The following NALCN variants were observed in gnomAD, a reference collection of about 807,000 sequenced individuals.
NALCN encodes sodium leak channel, non-selective, also known as sodium leak channel NALCN.
Under a neutral mutation model 225.3 loss-of-function variants are expected in NALCN, and 111 were observed. The observed-to-expected ratio is 0.49, with a 90% CI of 0.42 to 0.58. The LOEUF (loss-of-function observed/expected upper bound fraction) is 0.58, where lower values mean the gene tolerates loss of function less well. Among genes scored for constraint, NALCN ranks in the 20% least tolerant of loss-of-function variants. NALCN has a pLI of 0.00. For missense variants in NALCN, 1,378 were observed against 2,202.4 expected, an observed-to-expected ratio of 0.63 and a Z score of 7.49; for synonymous variants, 764 against 769.0, an observed-to-expected ratio of 0.99 and a Z score of 0.11.
At chr13:101,101,747 G>A (rs941722428) in intron 26 of NALCN, among the ~76,000 whole-genome samples, 4 of 152,148 alleles carry the variant, frequency 2.6e-5, no homozygotes, top group African/African-American at 9.7e-5. Context: ...TCTGCTGGCT[G>A]ACTTCTTTGG....
In NALCN at chr13:101,345,251, A is replaced by T. The variant is rs2139298094; in HGVS notation, c.799+15T>A. On this transcript the variant is annotated intron_variant, in intron 7 of 43. Coordinates refer to ENST00000251127, the MANE Select transcript of NALCN (RefSeq NM_052867.4). ...AAAATAGAAACTTAAAACGTATTTT[A>T]CCAGTAAGACAGACCTATCTCATTA... 1 of 1,605,088 alleles carries T rather than the reference A, an allele frequency of 6.2e-7. No homozygotes were observed. Among genetic ancestry groups the T allele is most frequent in the South Asian group, 1.1e-5 (1 of 90,114 alleles).
chr13:101,083,851 G>T, intron 30 of NALCN, 47 bp from the exon 31 acceptor site: 1 of 1,577,802 alleles, frequency 6.3e-7, no homozygotes, highest in Non-Finnish European at 8.7e-7. Flanking sequence ...TCATGTGCTT[G>T]CACCAAGAAC....
At position 101,366,449 on chromosome 13, in the gene NALCN, C is replaced by T. The variant is rs552355367; in HGVS notation, c.644+10251G>A. 2.6e-5 allele frequency among the ~76,000 whole-genome samples: 4 copies of T among 152,172 alleles called. No individual in the cohort carries two copies. In the East Asian group the frequency reaches 7.7e-4, roughly 29 times the overall value. On this transcript the variant is annotated intron_variant, in intron 6 of 43. Coordinates refer to ENST00000251127, the MANE Select transcript of NALCN (RefSeq NM_052867.4). ...GTCTGAAATCTCTGTCATGATTAGG[C>T]TATAATACATGCAAATCAATTAGGC...
intron 6 of NALCN, among the ~76,000 whole-genome samples, chr13:101,349,361 G>C (rs1219873228): frequency 6.6e-6 from 1 of 152,044 alleles, no homozygotes; most frequent in Admixed American, 6.6e-5. Context: ...AGAAAATACT[G>C]GTCCCCTAAA....
intron 41 of NALCN, among the ~76,000 whole-genome samples, chr13:101,060,994 C>T (rs1485302113): frequency 2.0e-5 from 3 of 152,296 alleles, no homozygotes; most frequent in East Asian, 1.9e-4. Context: ...CTGCAATTGA[C>T]GTTGTTGCTC....
At chr13:101,197,212 GT>G (rs1460401347) in intron 13 of NALCN, among the ~76,000 whole-genome samples, 1 of 152,140 alleles carries the variant, frequency 6.6e-6, no homozygotes, top group East Asian at 1.9e-4. Context: ...GTTTTTCCAA[GT>G]TTATTTCTTC....
rs1416806180 is a variant in NALCN at position 101,395,311 on chromosome 13, T to C, written c.163A>G (p.Met55Val). 7.4e-6 allele frequency: 12 copies of C among 1,614,060 alleles called. No individual in the cohort carries two copies. The highest frequency in any genetic ancestry group is 1.0e-5 in the Non-Finnish European group (12 of 1,179,970). Residue 55 changes from methionine (M) to valine (V), a missense_variant, in exon 3 of 44, where the codon ATG becomes GTG. Transcript: ENST00000251127. ...TGCTCGAAGGTCATTGGCGTATTCA[T>C]ACAAACAGAAATGACGCTGATGATG... ...CAIISVISVC[M>V]NTPMTFEHYP...
At chr13:101,143,716 G>A (rs1381071163) in intron 16 of NALCN, among the ~76,000 whole-genome samples, 2 of 152,092 alleles carry the variant, frequency 1.3e-5, no homozygotes, top group African/African-American at 2.4e-5. Flanking sequence ...TGCCCGGTTC[G>A]GCCTCCCAAA....
chr13:101,120,347 C>T (rs899045879), intron 18 of NALCN, among the ~76,000 whole-genome samples: 1 of 152,046 alleles, frequency 6.6e-6, no homozygotes. Flanking sequence ...GCAACTTCAC[C>T]GTTGATTTCA....
At chr13:101,263,849 G>C (rs950184084) in intron 10 of NALCN, among the ~76,000 whole-genome samples, 10 of 152,142 alleles carry the variant, frequency 6.6e-5, no homozygotes, top group Admixed American at 6.5e-4. Flanking sequence ...AGTAACTCCA[G>C]CTTTAAAGTT....
At chr13:101,351,953 G>T (rs1447336718) in intron 6 of NALCN, among the ~76,000 whole-genome samples, 1 of 152,076 alleles carries the variant, frequency 6.6e-6, no homozygotes, top group Non-Finnish European at 1.5e-5. Context: ...CTTAGTGTTG[G>T]CCTTCTGTAA....
rs572555348 is a variant in NALCN at position 101,228,285 on chromosome 13, GAA to G, written c.1626+1106_1626+1107del. 3.3e-3 allele frequency among the ~76,000 whole-genome samples: 497 copies of G among 152,224 alleles called. 3 individuals are homozygous for G. The highest frequency in any genetic ancestry group is 0.01 in the African/African-American group (419 of 41,516). ...TAAAATAAAGCTAAGCTATCCATTA[GAA>G]GTACAGACCCTTTTGCTGTCAAAGC... On this transcript the variant is annotated intron_variant, in intron 13 of 43. Transcript: ENST00000251127.
intron 6 of NALCN, among the ~76,000 whole-genome samples, chr13:101,369,289 G>C (rs190784028): frequency 6.6e-6 from 1 of 151,980 alleles, no homozygotes; most frequent in East Asian, 1.9e-4. Flanking sequence ...TAAGCATTCT[G>C]TCAACATTTA....
At chr13:101,348,771 A>C (rs1594721232) in intron 6 of NALCN, among the ~76,000 whole-genome samples, 1 of 152,124 alleles carries the variant, frequency 6.6e-6, no homozygotes, top group Non-Finnish European at 1.5e-5. Context: ...ATTTTTACCA[A>C]CATCAAGTTA....
intron 22 of NALCN, among the ~76,000 whole-genome samples, chr13:101,107,181 G>C (rs1213848571): frequency 6.6e-6 from 1 of 152,164 alleles, no homozygotes; most frequent in Non-Finnish European, 1.5e-5. Flanking sequence ...TTTTGTCTCA[G>C]TACTTCCAAA....
At chr13:101,071,516 T>G (rs2032885044) in intron 37 of NALCN, among the ~76,000 whole-genome samples, 1 of 152,210 alleles carries the variant, frequency 6.6e-6, no homozygotes, top group Non-Finnish European at 1.5e-5. Flanking sequence ...AACCAACCTT[T>G]GCTAGCGTCA....
In NALCN at chr13:101,081,530, G is replaced by T; in HGVS notation, c.3882C>A (p.Leu1294=). Residue 1294 remains leucine (L), a synonymous_variant, in exon 34 of 44, where the codon CTC becomes CTA. Transcript: ENST00000251127. Reference sequence around the variant, plus strand: ...TCAACTTGACTTCTATGCTTACCAGGAGGGCAAAGTGAAGCACCACCCATA... The same window carrying T: ...TCAACTTGACTTCTATGCTTACCAGTAGGGCAAAGTGAAGCACCACCCATA... ...GVVWVVLHFA[L]LNAYTYMMGA... 1 of 1,614,046 alleles carries T rather than the reference G, an allele frequency of 6.2e-7. No individual in the cohort carries two copies. Among genetic ancestry groups the T allele is most frequent in the Non-Finnish European group, 8.5e-7 (1 of 1,179,996 alleles).
At chr13:101,350,324 T>C (rs2045873009) in intron 6 of NALCN, among the ~76,000 whole-genome samples, 1 of 152,104 alleles carries the variant, frequency 6.6e-6, no homozygotes, top group African/African-American at 2.4e-5. Flanking sequence ...TCCTGCCTAA[T>C]GCAGGGTCTT....
At chr13:101,367,732 T>A (rs369306737) in intron 6 of NALCN, among the ~76,000 whole-genome samples, 11 of 152,272 alleles carry the variant, frequency 7.2e-5, no homozygotes, top group Admixed American at 4.6e-4. Context: ...AAGTAGATAC[T>A]GATTTAAAAG....
Sources: gnomAD v4.1 joint callset for allele counts (sites outside exome capture counted in the v4.1 genomes callset) on GRCh38, gnomAD v4.1.1 for gene constraint, MANE v1.5 for transcripts, NCBI Gene and HGNC (gene_info 2026-07-23, HGNC 2026-07-21) for gene names.